SEMA6D: variants seen among roughly 807,000 people sequenced by gnomAD.
The protein encoded by SEMA6D is semaphorin-6D.
SEMA6D carries 35 observed loss-of-function variants against 106.6 expected under a neutral mutation model. The observed-to-expected ratio is 0.33, with a 90% confidence interval of 0.25 to 0.44. SEMA6D has a LOEUF of 0.44. Among genes scored for constraint, SEMA6D ranks in the 20% least tolerant of loss-of-function variants. The probability of loss-of-function intolerance (pLI) is 1.00; values close to 1 mark genes in which losing one functional copy is unlikely to be tolerated. For missense variants in SEMA6D, 1,185 were observed against 1,345.9 expected, an observed-to-expected ratio of 0.88 and a Z score of 1.87; for synonymous variants, 499 against 487.7, an observed-to-expected ratio of 1.02 and a Z score of -0.31.
rs150429902 is a variant in SEMA6D, at chr15:47,735,409, C to T, written c.-55+17717C>T. On this transcript the variant is annotated intron_variant, in intron 1 of 18. Transcript: ENST00000536845. ...TTATTCAGTGTGGGAACCAAGATCT[C>T]TCCTAGTTCAGTCAGCTTGCACCTC... Among the ~76,000 whole-genome samples the T allele has an allele frequency of 3.4e-3, 512 of 152,300 alleles. 1 individual carries two copies. The highest frequency in any genetic ancestry group is 0.012 in the African/African-American group (492 of 41,560).
At chr15:47,765,203 T>C (rs1231393974) in intron 13 of SEMA6D, 147 bp downstream of exon 13, 15 of 1,422,338 alleles carry the variant, frequency 1.1e-5, no homozygotes, top group Admixed American at 8.8e-5. Flanking sequence ...AAATAAATCT[T>C]GGGTTTGTTT....
intron 4 of SEMA6D, among the ~76,000 whole-genome samples, chr15:47,678,071 C>T (rs563386124): frequency 6.6e-6 from 1 of 152,298 alleles, no homozygotes; most frequent in Non-Finnish European, 1.5e-5. Flanking sequence ...GACACATTCA[C>T]TAGCCTAAGG....
intron 4 of SEMA6D, among the ~76,000 whole-genome samples, chr15:47,612,535 A>G (rs931911992): frequency 6.6e-6 from 1 of 152,182 alleles, no homozygotes; most frequent in South Asian, 2.1e-4. Context: ...GCTCCTTTTC[A>G]TAGTTATTAC....
At chr15:47,673,880 TAGGCTATGTCCTC>T (rs2078187652) in intron 4 of SEMA6D, among the ~76,000 whole-genome samples, 2 of 152,238 alleles carry the variant, frequency 1.3e-5, no homozygotes, top group African/African-American at 4.8e-5. Flanking sequence ...TTCCATTCCT[TAGGCTATGTCCTC>T]AGGCTGTGCC....
chr15:47,755,262 T>C (rs1413981383), intron 1 of SEMA6D, among the ~76,000 whole-genome samples: 1 of 152,150 alleles, frequency 6.6e-6, no homozygotes, highest in Non-Finnish European at 1.5e-5. Context: ...GAATTTTTAT[T>C]AAATTCTTTT....
intron 4 of SEMA6D, among the ~76,000 whole-genome samples, chr15:47,699,772 G>A (rs892880526): frequency 4.6e-5 from 7 of 152,182 alleles, no homozygotes; most frequent in East Asian, 1.9e-4. Context: ...GTCACTTCTC[G>A]CTACTGCTTT....
At chr15:47,546,121 C>T (rs1017114542) in intron 3 of SEMA6D, among the ~76,000 whole-genome samples, 1 of 151,966 alleles carries the variant, frequency 6.6e-6, no homozygotes, top group African/African-American at 2.4e-5. Context: ...AAACTTTCAG[C>T]GTTGTTATTT....
intron 1 of SEMA6D, among the ~76,000 whole-genome samples, chr15:47,743,633 T>C (rs1380454084): frequency 1.3e-5 from 2 of 152,116 alleles, no homozygotes; most frequent in Non-Finnish European, 2.9e-5. Context: ...AGGAAAATCC[T>C]GGTGGGAAGT....
chr15:47,472,349 G>A (rs1199839240), intron 3 of SEMA6D, among the ~76,000 whole-genome samples: 1 of 152,188 alleles, frequency 6.6e-6, no homozygotes, highest in Non-Finnish European at 1.5e-5. Flanking sequence ...TGCACTACTG[G>A]CAGTATTAGA....
chr15:47,566,174 C>A (rs929865275), intron 3 of SEMA6D, among the ~76,000 whole-genome samples: 3 of 152,212 alleles, frequency 2.0e-5, no homozygotes, highest in Non-Finnish European at 4.4e-5. Flanking sequence ...TCCTTGAGGT[C>A]ACTGTCAGCT....
intron 1 of SEMA6D, among the ~76,000 whole-genome samples, chr15:47,249,801 G>A (rs932332930): frequency 1.3e-5 from 2 of 152,192 alleles, no homozygotes; most frequent in African/African-American, 4.8e-5. Flanking sequence ...TTCTAGGACT[G>A]TTTGAATTTG....
intron 4 of SEMA6D, among the ~76,000 whole-genome samples, chr15:47,616,908 A>T (rs896909514): frequency 6.6e-6 from 1 of 152,140 alleles, no homozygotes; most frequent in Non-Finnish European, 1.5e-5. Flanking sequence ...AGTATTTTCG[A>T]TCTCCTTAGC....
intron 1 of SEMA6D, among the ~76,000 whole-genome samples, chr15:47,340,847 A>G (rs2037785599): frequency 1.3e-5 from 2 of 152,138 alleles, no homozygotes; most frequent in Non-Finnish European, 2.9e-5. Context: ...GAAATTCTCA[A>G]TATCTCCTGG....
intron 1 of SEMA6D, among the ~76,000 whole-genome samples, chr15:47,231,799 C>G (rs1595780819): frequency 1.3e-5 from 2 of 152,054 alleles, no homozygotes; most frequent in South Asian, 4.1e-4. Flanking sequence ...ATAGGCTAAA[C>G]AGAAATTATA....
At chr15:47,219,959 A>T (rs1416091116) in intron 1 of SEMA6D, among the ~76,000 whole-genome samples, 1 of 152,102 alleles carries the variant, frequency 6.6e-6, no homozygotes, top group Non-Finnish European at 1.5e-5. Flanking sequence ...TTTGGCTCTA[A>T]TCCACGTAGT....
chr15:47,723,849 A>G (rs747265358), intron 1 of SEMA6D, among the ~76,000 whole-genome samples: 6 of 152,358 alleles, frequency 3.9e-5, no homozygotes, highest in African/African-American at 1.2e-4. Context: ...ATGTTGGTAC[A>G]TATATAATAA....
At chr15:47,378,547 G>T (rs1356090481) in intron 1 of SEMA6D, among the ~76,000 whole-genome samples, 1 of 152,142 alleles carries the variant, frequency 6.6e-6, no homozygotes, top group African/African-American at 2.4e-5. Flanking sequence ...CCTCAAACTT[G>T]ATGACCACTT....
chr15:47,262,960 T>A (rs191033270), intron 1 of SEMA6D, among the ~76,000 whole-genome samples: 1 of 152,208 alleles, frequency 6.6e-6, no homozygotes, highest in East Asian at 1.9e-4. Context: ...GGATTCCCTA[T>A]TCAATAAATG....
chr15:47,562,631 C>G lies in SEMA6D; in HGVS notation c.-86-38234C>G, dbSNP rs182736402. 1.1e-4 allele frequency among the ~76,000 whole-genome samples: 16 copies of G among 151,754 alleles called. No individual in the cohort carries two copies. In the East Asian group the frequency reaches 2.5e-3, roughly 24 times the overall value. On this transcript the variant is annotated intron_variant, in intron 3 of 19. Transcript: ENST00000558014. The stretch of plus-strand genomic sequence containing the variant: ...AATATCATTAGTCATTAGGGAGATG[C>G]GAATTAAAATCACAAAGAGATACAC...
Sources: allele counts gnomAD v4.1 joint callset (sites outside exome capture counted in the v4.1 genomes callset), GRCh38; gene constraint gnomAD v4.1.1; transcripts MANE v1.5; gene names NCBI Gene and HGNC (gene_info 2026-07-23, HGNC 2026-07-21).